Variants in SUV39H2 observed in about 807,000 individuals in gnomAD.
SUV39H2 encodes the protein histone-lysine N-methyltransferase SUV39H2.
In SUV39H2, 10 loss-of-function variants were observed where a neutral mutation model predicts 47.5. That is an observed-to-expected ratio of 0.21 (90% CI 0.13 to 0.36). The LOEUF (loss-of-function observed/expected upper bound fraction) is 0.36, where lower values mean the gene tolerates loss of function less well. SUV39H2 is among the 10% of genes least tolerant of loss of function. The probability of loss-of-function intolerance (pLI) is 1.00; values close to 1 mark genes in which losing one functional copy is unlikely to be tolerated. For missense variants in SUV39H2, 266 were observed against 487.4 expected (o/e 0.55, Z 4.28); for synonymous variants, 159 against 166.8 (o/e 0.95, Z 0.36).
chr10:14,889,323 A>G (rs954003651), intron 2 of SUV39H2, among the ~76,000 whole-genome samples: 7 of 152,188 alleles, frequency 4.6e-5, no homozygotes, highest in African/African-American at 1.7e-4. Flanking sequence ...AATGTTATAA[A>G]AGGTCAGATA....
intron 4 of SUV39H2, 34 bp downstream of exon 4, chr10:14,899,719 A>G: frequency 4.3e-6 from 7 of 1,609,936 alleles, no homozygotes; most frequent in Non-Finnish European, 5.9e-6. Context: ...AGACACGACT[A>G]ACAATTCAAC....
At chr10:14,896,353 C>T (rs1254515534) in intron 2 of SUV39H2, among the ~76,000 whole-genome samples, 1 of 152,190 alleles carries the variant, frequency 6.6e-6, no homozygotes, top group Non-Finnish European at 1.5e-5. Flanking sequence ...ATCTCTAGAA[C>T]ATCTAGAGAA....
rs1317829758 is a variant in SUV39H2 at position 14,904,135 on chromosome 10, T to G, written c.*1623T>G. ...GCCTGGCCATCATGGTGAAACCCTG[T>G]CTCTACTGAAAATACAAAAATTAGC... On this transcript the variant is annotated 3_prime_UTR_variant, in exon 6 of 6. Coordinates refer to ENST00000354919, the MANE Select transcript of SUV39H2 (RefSeq NM_001193424.2). 6.6e-6 allele frequency: 1 copy of G among 151,880 alleles called. No homozygotes were observed. Among genetic ancestry groups the G allele is most frequent in the East Asian group, 1.9e-4 (1 of 5,156 alleles). The allele number at this position is 151,880 out of a possible 1,614,324, so 9.4% of individuals were successfully genotyped here.
chr10:14,886,200 T>C (rs191357357), intron 2 of SUV39H2, among the ~76,000 whole-genome samples: 79 of 152,312 alleles, frequency 5.2e-4, no homozygotes, highest in African/African-American at 1.7e-3. Context: ...TCATGCACTT[T>C]TGTGTCCCCT....
chr10:14,903,500 G>A lies in SUV39H2; in HGVS notation c.*988G>A, dbSNP rs1423061645. Reference sequence around the variant, plus strand: ...ATTTAATATTTTTATACTTCCTGCAGGTTCTTCTTAAAAAGTAATCTATAT... The same window carrying A: ...ATTTAATATTTTTATACTTCCTGCAAGTTCTTCTTAAAAAGTAATCTATAT... On this transcript the variant is annotated 3_prime_UTR_variant, in exon 6 of 6. Transcript: ENST00000354919. 2 of 152,108 alleles carry A rather than the reference G, an allele frequency of 1.3e-5. No homozygotes were observed. The highest frequency in any genetic ancestry group is 2.9e-5 in the Non-Finnish European group (2 of 68,024). The allele number at this position is 152,108 out of a possible 1,614,324, so 9.4% of individuals were successfully genotyped here. A position where few individuals can be genotyped will look rare whatever the true frequency, so the allele number is the denominator to read the frequency against.
At chr10:14,892,425 C>T (rs182461960) in intron 2 of SUV39H2, among the ~76,000 whole-genome samples, 4 of 152,250 alleles carry the variant, frequency 2.6e-5, no homozygotes, top group South Asian at 2.1e-4. Context: ...TTCAACATTC[C>T]GAACCTTAAA....
intron 2 of SUV39H2, among the ~76,000 whole-genome samples, chr10:14,892,785 A>C (rs1258216587): frequency 6.6e-6 from 1 of 151,858 alleles, no homozygotes; most frequent in Admixed American, 6.6e-5. Flanking sequence ...GAATGACTTT[A>C]ACTGACACCG....
At chr10:14,879,150 G>C (rs1024166745) in intron 1 of SUV39H2, 2 of 1,224,046 alleles carry the variant, frequency 1.6e-6, no homozygotes, top group African/African-American at 1.6e-5. Context: ...CGAGCCTGGG[G>C]CACTTCGGAA....
At chr10:14,894,097 TC>T (rs1833481995) in intron 2 of SUV39H2, among the ~76,000 whole-genome samples, 1 of 152,222 alleles carries the variant, frequency 6.6e-6, no homozygotes, top group Non-Finnish European at 1.5e-5. Flanking sequence ...GGATCTTGTA[TC>T]TGCTAGAGTG....
At chr10:14,899,171 A>G (rs1773915699) in intron 3 of SUV39H2, 1 of 700,690 alleles carries the variant, frequency 1.4e-6, no homozygotes, top group Admixed American at 2.0e-5. Flanking sequence ...AAACTAAATC[A>G]TTAGCTGGGC....
intron 2 of SUV39H2, among the ~76,000 whole-genome samples, chr10:14,882,523 G>A (rs1258423875): frequency 1.3e-5 from 2 of 152,202 alleles, no homozygotes; most frequent in East Asian, 3.8e-4. Flanking sequence ...CAGTTTACAA[G>A]CTATGGACTG....
Position 14,903,504 on chromosome 10 carries a change from C to G in SUV39H2, c.*992C>G, listed in dbSNP as rs759247711. On this transcript the variant is annotated 3_prime_UTR_variant, in exon 6 of 6. Coordinates refer to ENST00000354919, the MANE Select transcript of SUV39H2 (RefSeq NM_001193424.2). ...AATATTTTTATACTTCCTGCAGGTT[C>G]TTCTTAAAAAGTAATCTATATTTTT... 7.9e-5 allele frequency: 12 copies of G among 152,132 alleles called. No individual in the cohort carries two copies. The highest frequency in any genetic ancestry group is 1.6e-4 in the Non-Finnish European group (11 of 68,010). The allele number at this position is 152,132 out of a possible 1,614,324, so 9.4% of individuals were successfully genotyped here.
intron 2 of SUV39H2, among the ~76,000 whole-genome samples, chr10:14,890,470 G>A (rs1833353290): frequency 6.6e-6 from 1 of 152,140 alleles, no homozygotes; most frequent in African/African-American, 2.4e-5. Context: ...TTGGCTCACT[G>A]CAGCCTTGAC....
Position 14,902,452 on chromosome 10 carries a change from A to T in SUV39H2, c.1173A>T (p.Lys391Asn). Residue 391 changes from lysine to asparagine, a missense_variant, in exon 6 of 6, where the codon AAA becomes AAT. By Grantham distance (94) the Lys-to-Asn change is moderately conservative. Transcript: ENST00000354919. Reference protein sequence around the residue: ...SSDSIDHSPAKKRVRTVCKCG... With the variant: ...SSDSIDHSPANKRVRTVCKCG... The stretch of plus-strand genomic sequence containing the variant: ...ATTCTATTGACCACAGCCCAGCCAA[A>T]AAGAGGGTCAGAACAGTATGTAAAT... 6.2e-7 allele frequency: 1 copy of T among 1,610,944 alleles called. No homozygotes were observed. The highest frequency in any genetic ancestry group is 8.5e-7 in the Non-Finnish European group (1 of 1,179,178).
intron 1 of SUV39H2, among the ~76,000 whole-genome samples, chr10:14,879,366 G>A (rs538934378): frequency 1.3e-5 from 2 of 152,340 alleles, no homozygotes; most frequent in East Asian, 1.9e-4. Context: ...GCCCGCCGGC[G>A]TGAACATGAC....
In SUV39H2 at chr10:14,896,759, AC is replaced by A. The variant is rs1342711990; in HGVS notation, c.178-85del. On this transcript the variant is annotated intron_variant, in intron 2 of 5. Transcript: ENST00000354919. ...GTTAGTAAGAAAAATGGTATTGGAT[AC>A]CTTACTCTTTAAGATTTTTAATTAT... 387 of 1,148,652 alleles carry A rather than the reference AC, an allele frequency of 3.4e-4. 3 individuals carry two copies. The East Asian group carries it at 9.0e-3, about 27-fold the overall frequency. 71.2% of individuals were successfully genotyped at this position (1,148,652 alleles called of 1,614,324 possible). A position where few individuals can be genotyped will look rare whatever the true frequency, so the allele number is the denominator to read the frequency against.
At chr10:14,894,820 G>C (rs1833514180) in intron 2 of SUV39H2, among the ~76,000 whole-genome samples, 1 of 152,146 alleles carries the variant, frequency 6.6e-6, no homozygotes, top group Non-Finnish European at 1.5e-5. Flanking sequence ...AGCCCAATTT[G>C]TGCCTCAGCA....
intron 2 of SUV39H2, among the ~76,000 whole-genome samples, chr10:14,890,423 C>T (rs1004071907): frequency 6.6e-6 from 1 of 152,192 alleles, no homozygotes. Context: ...GACAGGGTCT[C>T]ACTCTGTTGC....
At position 14,902,584 on chromosome 10, in the gene SUV39H2, T is replaced by G. The variant is rs568751476; in HGVS notation, c.*72T>G. ...TGTTAACATTTTTAAAAATACATAT[T>G]TGGGACTCTTATTATCAAGGTTCTA... is the stretch of plus-strand genomic sequence containing the variant. On this transcript the variant is annotated 3_prime_UTR_variant, in exon 6 of 6. Coordinates refer to ENST00000354919, the MANE Select transcript of SUV39H2 (RefSeq NM_001193424.2). The G allele has an allele frequency of 1.1e-6, 1 of 938,678 alleles. No individual in the cohort carries two copies. Among genetic ancestry groups the G allele is most frequent in the Non-Finnish European group, 1.5e-6 (1 of 647,732 alleles). The allele number at this position is 938,678 out of a possible 1,614,324, so 58.1% of individuals were successfully genotyped here. A position where few individuals can be genotyped will look rare whatever the true frequency, so the allele number is the denominator to read the frequency against.
Sources: allele counts gnomAD v4.1 joint callset (sites outside exome capture counted in the v4.1 genomes callset), GRCh38; gene constraint gnomAD v4.1.1; transcripts MANE v1.5; gene names NCBI Gene and HGNC (gene_info 2026-07-23, HGNC 2026-07-21).